The following LRRC7 variants were observed in gnomAD, a reference collection of about 807,000 sequenced individuals.
The protein encoded by LRRC7 is leucine-rich repeat-containing protein 7.
A neutral mutation model predicts 175.7 loss-of-function variants in LRRC7; 23 were observed. That is an observed-to-expected ratio of 0.13 (90% confidence interval 0.09 to 0.19). The LOEUF (loss-of-function observed/expected upper bound fraction) is 0.19. LRRC7 is among the 10% of genes least tolerant of loss of function. LRRC7 has a pLI of 1.00. For missense variants in LRRC7, 1,354 were observed against 1,904.7 expected (o/e 0.71, Z 5.38); for synonymous variants, 685 against 680.9 (o/e 1.01, Z -0.09).
rs114792528 is a variant in LRRC7 at position 69,784,367 on chromosome 1, C to T, written c.304-7676C>T. 8.8e-3 allele frequency among the ~76,000 whole-genome samples: 1,337 copies of T among 152,052 alleles called. 16 individuals carry two copies. Among genetic ancestry groups the T allele is most frequent in the African/African-American group, 0.03 (1,249 of 41,470 alleles). ...TTCAACTGGATTGAGAAATATGGGT[C>T]TTAGTTTTATTATAGTTAAAAAATA... On this transcript the variant is annotated intron_variant, in intron 3 of 26. Transcript: ENST00000651989.
intron 7 of LRRC7, among the ~76,000 whole-genome samples, chr1:69,886,906 G>T (rs1345520760): frequency 6.6e-6 from 1 of 151,770 alleles, no homozygotes; most frequent in Non-Finnish European, 1.5e-5. Context: ...TGAAATTCTG[G>T]GTCGAAAATT....
chr1:70,068,565 T>G (rs1205123188), intron 23 of LRRC7, among the ~76,000 whole-genome samples: 1 of 152,186 alleles, frequency 6.6e-6, no homozygotes, highest in Non-Finnish European at 1.5e-5. Flanking sequence ...AGTGGTTTTT[T>G]TCTTCCCTAC....
chr1:69,996,747 C>T (rs1257852882), intron 11 of LRRC7, among the ~76,000 whole-genome samples: 1 of 152,012 alleles, frequency 6.6e-6, no homozygotes, highest in Non-Finnish European at 1.5e-5. Flanking sequence ...TGTTCTGTTC[C>T]GTTGATCTAT....
intron 8 of LRRC7, among the ~76,000 whole-genome samples, chr1:69,947,853 C>G (rs1649503974): frequency 6.6e-6 from 1 of 151,842 alleles, no homozygotes; most frequent in South Asian, 2.1e-4. Flanking sequence ...ACAGCAATAA[C>G]TAATAATAAA....
rs538002497 is a variant in LRRC7 at position 69,923,628 on chromosome 1, T to C, written c.648-7879T>C. On this transcript the variant is annotated intron_variant, in intron 7 of 26. Transcript: ENST00000651989. ...TTCAGAAGTGTCTGTTCATGTCCTT[T>C]GCCCACTTTTTGATGGTGTTATTTG... Among the ~76,000 whole-genome samples the C allele has an allele frequency of 1.3e-4, 20 of 152,336 alleles. No individual in the cohort carries two copies. The South Asian group carries it at 1.7e-3, about 13-fold the overall frequency.
intron 7 of LRRC7, among the ~76,000 whole-genome samples, chr1:69,891,322 G>A (rs1472305396): frequency 6.6e-6 from 1 of 152,182 alleles, no homozygotes; most frequent in East Asian, 1.9e-4. Flanking sequence ...AGAGAGGAAT[G>A]GTCTTTTGGT....
At chr1:69,651,406 C>G (rs1655807743) in intron 1 of LRRC7, among the ~76,000 whole-genome samples, 2 of 152,122 alleles carry the variant, frequency 1.3e-5, no homozygotes, top group Admixed American at 1.3e-4. Context: ...CCAATTATAT[C>G]TGCCAATTCA....
chr1:69,621,630 GCTTTCAAATTGC>G (rs1487725577), intron 1 of LRRC7, among the ~76,000 whole-genome samples: 1 of 152,062 alleles, frequency 6.6e-6, no homozygotes, highest in Non-Finnish European at 1.5e-5. Flanking sequence ...CAGAGTGTTA[GCTTTCAAATTGC>G]CTTGTCAGGT....
intron 2 of LRRC7, among the ~76,000 whole-genome samples, chr1:69,751,538 AAAC>A (rs1203116116): frequency 9.2e-5 from 14 of 152,162 alleles, no homozygotes; most frequent in Admixed American, 9.2e-4. Context: ...AGTATAATCA[AAAC>A]AACAAATTAT....
At chr1:69,576,392 A>C (rs1344111175) in intron 1 of LRRC7, among the ~76,000 whole-genome samples, 1 of 152,154 alleles carries the variant, frequency 6.6e-6, no homozygotes, top group African/African-American at 2.4e-5. Flanking sequence ...TTAGTCCACC[A>C]TATCTAGAAG....
rs1557640624 is a variant in LRRC7, at chr1:69,717,794, G to GAAAGAAAGAAAT, written c.100+39327_100+39328insTAAAGAAAGAAA. Among the ~76,000 whole-genome samples the GAAAGAAAGAAAT allele has an allele frequency of 1.1e-4, 2 of 18,714 alleles. 1 individual carries two copies. Among genetic ancestry groups the GAAAGAAAGAAAT allele is most frequent in the African/African-American group, 6.2e-4 (2 of 3,216 alleles). 12.3% of individuals were successfully genotyped at this position (18,714 alleles called of 152,430 possible). ...AAAAAGAAAGAAAGAAAGAAAGAAAGAAAGAAAGAAAGAAAGAAAGAAAGA... is the reference window on the plus strand; with the variant it reads ...AAAAAGAAAGAAAGAAAGAAAGAAAGAAAGAAAGAAATAAAGAAAGAAAGAAAGAAAGAAAGA... On this transcript the variant is annotated intron_variant, in intron 2 of 26. Coordinates refer to ENST00000651989, the MANE Select transcript of LRRC7 (RefSeq NM_001370785.2).
rs1571211530 is a variant in LRRC7, at chr1:70,061,425, T to C, written c.4230+8280T>C. Among the ~76,000 whole-genome samples, 3 of 152,144 alleles carry C rather than the reference T, an allele frequency of 2.0e-5. No individual in the cohort carries two copies. In the East Asian group the frequency reaches 5.8e-4, roughly 29 times the overall value. ...TGTGTCAAGCAGTATAAAGGCTGCATTGGTTTCTGTGGTAACAGCATATTA... is the reference window on the plus strand; with the variant it reads ...TGTGTCAAGCAGTATAAAGGCTGCACTGGTTTCTGTGGTAACAGCATATTA... On this transcript the variant is annotated intron_variant, in intron 23 of 26. Coordinates refer to ENST00000651989, the MANE Select transcript of LRRC7 (RefSeq NM_001370785.2).
intron 5 of LRRC7, among the ~76,000 whole-genome samples, chr1:69,826,199 T>C (rs931180902): frequency 6.6e-6 from 1 of 152,086 alleles, no homozygotes; most frequent in African/African-American, 2.4e-5. Context: ...GTTTAAGGTA[T>C]TGACAAGTGC....
intron 1 of LRRC7, among the ~76,000 whole-genome samples, chr1:69,570,273 T>G (rs1645686718): frequency 6.6e-6 from 1 of 152,028 alleles, no homozygotes; most frequent in South Asian, 2.1e-4. Flanking sequence ...GCCTATGAGA[T>G]GTTCAGCATC....
chr1:69,781,882 A>AAG (rs1553155279), intron 3 of LRRC7, among the ~76,000 whole-genome samples: 1 of 144,388 alleles, frequency 6.9e-6, no homozygotes, highest in African/African-American at 2.6e-5. Context: ...GGAAGAAAGA[A>AAG]AAGGAAGGAA....
chr1:69,881,469 T>C (rs1301187085), intron 7 of LRRC7, among the ~76,000 whole-genome samples: 6 of 152,228 alleles, frequency 3.9e-5, no homozygotes, highest in Admixed American at 3.3e-4. Context: ...AATATGCGTA[T>C]AGCTGTCACT....
intron 23 of LRRC7, among the ~76,000 whole-genome samples, chr1:70,061,659 C>T (rs935806856): frequency 5.9e-5 from 9 of 152,086 alleles, no homozygotes; most frequent in Admixed American, 5.9e-4. Flanking sequence ...CAGTTTTTCT[C>T]TTGACCAAAA....
intron 1 of LRRC7, among the ~76,000 whole-genome samples, chr1:69,614,996 T>G (rs1443507774): frequency 2.0e-5 from 3 of 152,054 alleles, no homozygotes. Flanking sequence ...AATTTTCTTC[T>G]ACTTTTTCCA....
intron 1 of LRRC7, among the ~76,000 whole-genome samples, chr1:69,667,813 T>C (rs1428783289): frequency 1.3e-5 from 2 of 152,212 alleles, no homozygotes; most frequent in African/African-American, 4.8e-5. Flanking sequence ...AATGTTATTA[T>C]TGATGAGTAA....
Sources: allele counts gnomAD v4.1 joint callset (sites outside exome capture counted in the v4.1 genomes callset), GRCh38; gene constraint gnomAD v4.1.1; transcripts MANE v1.5; gene names NCBI Gene and HGNC (gene_info 2026-07-23, HGNC 2026-07-21).